DNTTIP1: variants seen among roughly 807,000 people sequenced by gnomAD.
DNTTIP1 encodes deoxynucleotidyltransferase terminal interacting protein 1.
A neutral mutation model predicts 52.9 loss-of-function variants in DNTTIP1; 22 were observed. The observed-to-expected ratio is 0.42, with a 90% CI of 0.30 to 0.59. DNTTIP1 has a LOEUF of 0.59. Ranked by LOEUF, DNTTIP1 falls within the 20% of genes least tolerant of loss-of-function variation. The pLI, the probability that DNTTIP1 is intolerant of heterozygous loss-of-function variation, is 0.22. For missense variants in DNTTIP1, 286 were observed against 435.5 expected (o/e 0.66, Z 3.06); for synonymous variants, 136 against 155.1 (o/e 0.88, Z 0.92).
At chr20:45,805,269 TTTC>T in intron 9 of DNTTIP1, 34 bp from the exon 10 acceptor site, 3 of 1,614,132 alleles carry the variant, frequency 1.9e-6, no homozygotes, top group Non-Finnish European at 2.5e-6. Flanking sequence ...AGGACTACAC[TTTC>T]TGGAATCTTG....
intron 8 of DNTTIP1, among the ~76,000 whole-genome samples, chr20:45,804,347 C>T (rs1981567710): frequency 6.6e-6 from 1 of 152,156 alleles, no homozygotes; most frequent in Non-Finnish European, 1.5e-5. Context: ...CTATTTCCTT[C>T]TGTTCATCCT....
rs1001280343 is a variant in DNTTIP1 at position 45,810,823 on chromosome 20, G to A, written c.796-62G>A. ...TTACATTAAACAGATGTTTAATGAA[G>A]TGTTACTGAGTTGGAGTGAAATGAA... On this transcript the variant is annotated intron_variant, in intron 11 of 12. Transcript: ENST00000372622. 103 of 1,473,448 alleles carry A rather than the reference G, an allele frequency of 7.0e-5. 1 individual carries two copies. The highest frequency in any genetic ancestry group is 1.9e-5 in the Non-Finnish European group (20 of 1,053,494). The allele number at this position is 1,473,448 out of a possible 1,614,324, so 91.3% of individuals were successfully genotyped here.
intron 5 of DNTTIP1, 44 bp from the exon 6 acceptor site, chr20:45,801,358 C>T: frequency 6.2e-7 from 1 of 1,608,538 alleles, no homozygotes; most frequent in Non-Finnish European, 8.5e-7. Flanking sequence ...ACCTGCAGCT[C>T]CCAGGCACTG....
intron 10 of DNTTIP1, among the ~76,000 whole-genome samples, chr20:45,806,355 C>CAA (rs3080098): frequency 7.6e-6 from 1 of 131,752 alleles, no homozygotes; most frequent in Non-Finnish European, 1.6e-5. Flanking sequence ...AACTCCATCT[C>CAA]AAAAAAAAAA....
intron 12 of DNTTIP1, 32 bp from the exon 13 acceptor site, chr20:45,811,025 C>G: frequency 1.9e-6 from 3 of 1,613,064 alleles, no homozygotes; most frequent in Non-Finnish European, 2.5e-6. Flanking sequence ...ATCCTCACTT[C>G]CCCCAACTTC....
In DNTTIP1 at chr20:45,802,049, C is replaced by G. The variant is rs770211942; in HGVS notation, c.549C>G (p.Ala183=). 3 of 1,613,960 alleles carry G rather than the reference C, an allele frequency of 1.9e-6. No individual in the cohort carries two copies. In the African/African-American group the frequency reaches 4.0e-5, roughly 22 times the overall value. ...TCCTGTCAAGCGACCGGGCAGCCGCCGGCATGGTGTGAGTAGGGACCAACA... is the reference window on the plus strand; with the variant it reads ...TCCTGTCAAGCGACCGGGCAGCCGCGGGCATGGTGTGAGTAGGGACCAACA... The part of the protein sequence containing the change: ...GHILSSDRAA[A]GMVWKPKSCE... Residue 183 remains alanine (A), a synonymous_variant, in exon 7 of 13, where the codon GCC becomes GCG. Transcript: ENST00000372622.
chr20:45,803,750 G>A (rs1170157435), intron 8 of DNTTIP1, among the ~76,000 whole-genome samples: 1 of 152,148 alleles, frequency 6.6e-6, no homozygotes, highest in East Asian at 1.9e-4. Flanking sequence ...TATAAATGAG[G>A]CGTTTCCTTT....
chr20:45,809,679 T>A lies in DNTTIP1; in HGVS notation c.795+494T>A, dbSNP rs551171610. 5.9e-5 allele frequency among the ~76,000 whole-genome samples: 9 copies of A among 152,382 alleles called. No homozygotes were observed. The highest frequency in any genetic ancestry group is 1.9e-4 in the East Asian group (1 of 5,190). On this transcript the variant is annotated intron_variant, in intron 11 of 12. Coordinates refer to ENST00000372622, the MANE Select transcript of DNTTIP1 (RefSeq NM_052951.3). This position sits in a 1 kb window ranked among gnomAD's most constrained non-coding sequence, Gnocchi z 4.2. ...CTACTTGAAGAGTTCTCAGATCATA[T>A]GAAACAGCAACCTTAGGAAAATCAT...
At chr20:45,808,439 A>G (rs1394405120) in intron 10 of DNTTIP1, among the ~76,000 whole-genome samples, 1 of 152,188 alleles carries the variant, frequency 6.6e-6, no homozygotes, top group Non-Finnish European at 1.5e-5. Context: ...TCGGGAGTTC[A>G]AGACCAGCCT....
At chr20:45,802,825 C>A (rs1260354825) in intron 7 of DNTTIP1, among the ~76,000 whole-genome samples, 1 of 152,040 alleles carries the variant, frequency 6.6e-6, no homozygotes, top group East Asian at 1.9e-4. Context: ...CTCAACCAAC[C>A]CCCAACCCCA....
intron 11 of DNTTIP1, among the ~76,000 whole-genome samples, chr20:45,810,557 CT>C (rs1470322217): frequency 8.0e-6 from 1 of 124,314 alleles, no homozygotes; most frequent in African/African-American, 3.2e-5. Flanking sequence ...TGGTGGATCC[CT>C]TTTTTTTTCT....
At chr20:45,793,420 C>A (rs530239080) in intron 2 of DNTTIP1, among the ~76,000 whole-genome samples, 152 of 151,940 alleles carry the variant, frequency 1.0e-3, no homozygotes, top group Non-Finnish European at 2.0e-3. Flanking sequence ...AAAAAATTGG[C>A]CGGGCGCGGT....
chr20:45,803,587 A>G (rs1266358355), intron 8 of DNTTIP1, among the ~76,000 whole-genome samples: 1 of 152,220 alleles, frequency 6.6e-6, no homozygotes, highest in African/African-American at 2.4e-5. Flanking sequence ...AGAGGGCTTG[A>G]GTCTTTGCTG....
chr20:45,796,387 CAAAAA>C, intron 4 of DNTTIP1: 1 of 371,452 alleles, frequency 2.7e-6, no homozygotes. Context: ...AAAAGCAAAG[CAAAAA>C]AAAAAAAAGA....
intron 2 of DNTTIP1, 41 bp from the exon 3 acceptor site, chr20:45,793,880 T>C (rs1981137163): frequency 1.5e-6 from 2 of 1,317,596 alleles, no homozygotes; most frequent in East Asian, 2.5e-5. Context: ...AAGAATATGT[T>C]TGGGACATGC....
chr20:45,804,892 C>G (rs1568709077), intron 8 of DNTTIP1, among the ~76,000 whole-genome samples: 1 of 152,192 alleles, frequency 6.6e-6, no homozygotes, highest in African/African-American at 2.4e-5. Context: ...CTTGCCTCAT[C>G]GCACAATGGT....
chr20:45,795,240 C>G, intron 3 of DNTTIP1, 105 bp from the exon 4 acceptor site: 1 of 627,154 alleles, frequency 1.6e-6, no homozygotes, highest in Non-Finnish European at 2.8e-6. Flanking sequence ...AATCACTTTT[C>G]CCTTCTGTAT....
chr20:45,800,331 A>T (rs1184158706), intron 4 of DNTTIP1, among the ~76,000 whole-genome samples: 1 of 152,046 alleles, frequency 6.6e-6, no homozygotes, highest in Non-Finnish European at 1.5e-5. Context: ...CATGATCATT[A>T]ATTCAAGTTT....
At chr20:45,800,771 A>G (rs1981439275) in intron 4 of DNTTIP1, among the ~76,000 whole-genome samples, 1 of 132,730 alleles carries the variant, frequency 7.5e-6, no homozygotes, top group Admixed American at 7.8e-5. Flanking sequence ...AAGTGGGCCG[A>G]TCACTTGAGG....
Sources: allele counts gnomAD v4.1 joint callset (sites outside exome capture counted in the v4.1 genomes callset), GRCh38; gene constraint gnomAD v4.1.1; non-coding constraint Gnocchi (gnomAD v3.1); transcripts MANE v1.5; gene names NCBI Gene and HGNC (gene_info 2026-07-23, HGNC 2026-07-21).